Variants in AGBL1 observed in about 807,000 individuals in gnomAD.
AGBL1 encodes the protein AGBL carboxypeptidase 1, also known as cytosolic carboxypeptidase 4.
Under a neutral mutation model 118.9 loss-of-function variants are expected in AGBL1, and 130 were observed. The observed-to-expected ratio is 1.09, with a 90% CI of 0.95 to 1.26. The LOEUF is 1.26. Among genes scored for constraint, AGBL1 ranks in the 50% most tolerant of loss-of-function variants. The probability of loss-of-function intolerance (pLI) is 0.00; values close to 1 mark genes in which losing one functional copy is unlikely to be tolerated. For missense variants in AGBL1, 1,584 were observed against 1,298.1 expected, an observed-to-expected ratio of 1.22 and a Z score of -3.38; for synonymous variants, 555 against 478.9, an observed-to-expected ratio of 1.16 and a Z score of -2.08.
At chr15:86,610,039 C>T (rs149492315) in intron 21 of AGBL1, among the ~76,000 whole-genome samples, 60 of 152,296 alleles carry the variant, frequency 3.9e-4, no homozygotes, top group Non-Finnish European at 7.5e-4. Context: ...CATGTCCCCC[C>T]CATCTCCACC....
chr15:86,630,486 G>A (rs2084946691), intron 21 of AGBL1: 1 of 152,250 alleles, frequency 6.6e-6, no homozygotes, highest in Admixed American at 6.5e-5. Context: ...ATGCAAGAGT[G>A]CTGTGCTTCT....
At chr15:86,112,706 C>G (rs1049658842) in intron 1 of AGBL1, among the ~76,000 whole-genome samples, 2 of 152,198 alleles carry the variant, frequency 1.3e-5, no homozygotes, top group South Asian at 2.1e-4. Flanking sequence ...TTTACACTCT[C>G]TTCAGCAGTG....
intron 18 of AGBL1, among the ~76,000 whole-genome samples, chr15:86,491,639 T>A (rs1186327133): frequency 6.6e-6 from 1 of 151,980 alleles, no homozygotes; most frequent in East Asian, 1.9e-4. Context: ...GTTTTTAGAA[T>A]CAGTAAAGAA....
At chr15:86,701,578 T>C (rs2086358737) in intron 22 of AGBL1, among the ~76,000 whole-genome samples, 1 of 152,030 alleles carries the variant, frequency 6.6e-6, no homozygotes, top group Non-Finnish European at 1.5e-5. Context: ...CTCTAGAGAT[T>C]AGGAAAAGAA....
At chr15:86,897,088 G>C (rs2080139897) in intron 22 of AGBL1, among the ~76,000 whole-genome samples, 2 of 152,152 alleles carry the variant, frequency 1.3e-5, no homozygotes, top group Non-Finnish European at 2.9e-5. Flanking sequence ...GGCCTTTTCT[G>C]TCATTAGGGA....
At chr15:86,363,428 C>T (rs191597805) in intron 17 of AGBL1, among the ~76,000 whole-genome samples, 162 of 152,154 alleles carry the variant, frequency 1.1e-3, no homozygotes, top group African/African-American at 3.8e-3. Flanking sequence ...TCTTCCTTGT[C>T]AAAACAAGCA....
intron 22 of AGBL1, among the ~76,000 whole-genome samples, chr15:86,827,398 CATATATATATGTGTATATAT>C (rs2079033337): frequency 4.5e-3 from 16 of 3,572 alleles, no homozygotes; most frequent in South Asian, 9.3e-3. Flanking sequence ...TATATATATA[CATATATATATGTGTATATAT>C]ATATATATAT....
chr15:86,959,480 A>C (rs1320984781), intron 23 of AGBL1, among the ~76,000 whole-genome samples: 1 of 152,062 alleles, frequency 6.6e-6, no homozygotes, highest in East Asian at 1.9e-4. Flanking sequence ...TGCAATATGC[A>C]CTTTCCATTT....
chr15:86,593,091 G>C (rs1444799826), intron 21 of AGBL1, among the ~76,000 whole-genome samples: 1 of 152,138 alleles, frequency 6.6e-6, no homozygotes, highest in African/African-American at 2.4e-5. Flanking sequence ...ATGGGTTATA[G>C]TCTACCAGTG....
intron 6 of AGBL1, among the ~76,000 whole-genome samples, chr15:86,236,274 C>A (rs917225993): frequency 6.6e-5 from 10 of 152,078 alleles, no homozygotes; most frequent in Admixed American, 2.6e-4. Flanking sequence ...TGCCCACAGA[C>A]CGTGAGGCAC....
At chr15:86,832,328 T>C (rs1462678891) in intron 22 of AGBL1, among the ~76,000 whole-genome samples, 3 of 152,242 alleles carry the variant, frequency 2.0e-5, no homozygotes, top group Non-Finnish European at 2.9e-5. Context: ...TTTTCTTTTC[T>C]ACTCCATCAT....
intron 1 of AGBL1, among the ~76,000 whole-genome samples, chr15:86,129,069 T>G (rs529763144): frequency 2.0e-5 from 3 of 152,296 alleles, no homozygotes; most frequent in African/African-American, 4.8e-5. Context: ...GTGGATGCTT[T>G]CTTTCAATAT....
At chr15:86,633,379 T>TA (rs965687039) in intron 21 of AGBL1, among the ~76,000 whole-genome samples, 52 of 152,112 alleles carry the variant, frequency 3.4e-4, no homozygotes, top group Admixed American at 8.5e-4. Flanking sequence ...GCTGCTAAGT[T>TA]AAAAAAATCT....
intron 22 of AGBL1, among the ~76,000 whole-genome samples, chr15:86,689,798 A>G (rs1230110543): frequency 6.6e-6 from 1 of 152,200 alleles, no homozygotes; most frequent in East Asian, 1.9e-4. Context: ...AAATCTTTAC[A>G]GATTGAAATG....
In AGBL1 at chr15:86,718,539, GAAAA is replaced by G. The variant is rs964139210; in HGVS notation, c.3158+44107_3158+44110del. Among the ~76,000 whole-genome samples, 4 of 151,896 alleles carry G rather than the reference GAAAA, an allele frequency of 2.6e-5. No homozygotes were observed. In the East Asian group the frequency reaches 5.8e-4, roughly 22 times the overall value. ...CTTAGAACTTGAAGTGTAATAATAA[GAAAA>G]AAACCATCCTGTGTTGATGGAGAAG... On this transcript the variant is annotated intron_variant, in intron 22 of 22. Transcript: ENST00000614907.
chr15:86,137,259 T>C (rs751955340), intron 1 of AGBL1, among the ~76,000 whole-genome samples: 1 of 152,216 alleles, frequency 6.6e-6, no homozygotes, highest in Non-Finnish European at 1.5e-5. Context: ...TGAACGTCTT[T>C]AGGACAACAC....
chr15:86,225,838 T>C (rs574590954), intron 6 of AGBL1, among the ~76,000 whole-genome samples: 2 of 152,062 alleles, frequency 1.3e-5, no homozygotes, highest in Non-Finnish European at 2.9e-5. Context: ...AAAAACACTC[T>C]CTCCCCCCAT....
chr15:86,510,192 A>T (rs969031034), intron 18 of AGBL1, among the ~76,000 whole-genome samples: 2 of 152,112 alleles, frequency 1.3e-5, no homozygotes. Flanking sequence ...ACTAATCAGG[A>T]TTTTATTATA....
At chr15:87,016,437 G>A (rs1433444) in intron 24 of AGBL1, among the ~76,000 whole-genome samples, 15,680 of 152,122 alleles carry the variant, frequency 0.1, 1,625 homozygotes, top group African/African-American at 0.27. Flanking sequence ...CTGAGAAGAG[G>A]TGCAAAGATG....
Sources: allele counts gnomAD v4.1 joint callset (sites outside exome capture counted in the v4.1 genomes callset), GRCh38; gene constraint gnomAD v4.1.1; transcripts MANE v1.5; gene names NCBI Gene and HGNC (gene_info 2026-07-23, HGNC 2026-07-21).